Variants in PLXNA4 observed in about 807,000 individuals in gnomAD.
PLXNA4 encodes plexin-A4.
In PLXNA4, 44 loss-of-function variants were observed where a neutral mutation model predicts 191.8. That is an observed-to-expected ratio of 0.23 (90% CI 0.18 to 0.29). The LOEUF (loss-of-function observed/expected upper bound fraction) is 0.29, where lower values mean the gene tolerates loss of function less well. Among genes scored for constraint, PLXNA4 ranks in the 10% least tolerant of loss-of-function variants. The pLI is 1.00. For missense variants in PLXNA4, 1,800 were observed against 2,488.8 expected (o/e 0.72, Z 5.89); for synonymous variants, 1,082 against 1,009.5 (o/e 1.07, Z -1.36).
At chr7:132,473,802 G>A (rs73724013) in intron 3 of PLXNA4, among the ~76,000 whole-genome samples, 6,238 of 151,844 alleles carry the variant, frequency 0.041, 205 homozygotes, top group African/African-American at 0.083. Context: ...CCATGGGAAC[G>A]TAATGAGGGG....
chr7:132,203,185 A>G (rs1797498794), intron 11 of PLXNA4, 138 bp downstream of exon 11: 2 of 748,850 alleles, frequency 2.7e-6, no homozygotes, highest in South Asian at 3.5e-5. Context: ...AGAGGCTGTG[A>G]AGGAGGGGCT....
chr7:132,642,533 T>C (rs370023962), intron 2 of PLXNA4, among the ~76,000 whole-genome samples: 5 of 151,454 alleles, frequency 3.3e-5, no homozygotes, highest in East Asian at 3.9e-4. Flanking sequence ...CACAGGGGCC[T>C]GGAGAGAGAA....
rs528100296 is a variant in PLXNA4, at chr7:132,439,274, G to A, written c.1371+50018C>T. Among the ~76,000 whole-genome samples the A allele has an allele frequency of 1.8e-4, 28 of 152,212 alleles. No homozygotes were observed. In the South Asian group the frequency reaches 4.2e-3, roughly 23 times the overall value. On this transcript the variant is annotated intron_variant, in intron 3 of 31. Transcript: ENST00000321063. The stretch of plus-strand genomic sequence containing the variant: ...CTCTGCAACCATAGAGTCCCGCCCC[G>A]GCCAATGAAGCCATCCCTGGGGGTC...
At chr7:132,545,743 T>A (rs73446845) in intron 1 of PLXNA4, among the ~76,000 whole-genome samples, 10,268 of 151,962 alleles carry the variant, frequency 0.068, 696 homozygotes, top group African/African-American at 0.17. Flanking sequence ...AACTAAGGTG[T>A]TAAGAAGTGT....
At chr7:132,171,052 C>T (rs1407128881) in intron 21 of PLXNA4, among the ~76,000 whole-genome samples, 1 of 152,208 alleles carries the variant, frequency 6.6e-6, no homozygotes, top group East Asian at 1.9e-4. Flanking sequence ...CTTTACCTTG[C>T]CATCAGCCCG....
intron 5 of PLXNA4, among the ~76,000 whole-genome samples, chr7:132,235,744 G>A (rs1174976729): frequency 6.6e-6 from 1 of 152,188 alleles, no homozygotes; most frequent in African/African-American, 2.4e-5. Flanking sequence ...AGGCTTCTTT[G>A]CCTGGGCACG....
chr7:132,374,469 C>T (rs1206024000), intron 3 of PLXNA4, among the ~76,000 whole-genome samples: 1 of 152,138 alleles, frequency 6.6e-6, no homozygotes, highest in Non-Finnish European at 1.5e-5. Flanking sequence ...AGGCCTACAC[C>T]AGCAAAGGCT....
At chr7:132,376,096 G>T (rs1219683410) in intron 3 of PLXNA4, among the ~76,000 whole-genome samples, 2 of 152,144 alleles carry the variant, frequency 1.3e-5, no homozygotes, top group Non-Finnish European at 2.9e-5. Context: ...CTGCCCCATG[G>T]TGTTGTTGTG....
At chr7:132,252,548 G>C (rs1470109561) in intron 4 of PLXNA4, among the ~76,000 whole-genome samples, 3 of 152,082 alleles carry the variant, frequency 2.0e-5, no homozygotes, top group African/African-American at 7.2e-5. Context: ...TGATCCACCT[G>C]CCTCAGCCTC....
chr7:132,298,793 T>C (rs1369861597), intron 3 of PLXNA4, among the ~76,000 whole-genome samples: 1 of 152,222 alleles, frequency 6.6e-6, no homozygotes, highest in Non-Finnish European at 1.5e-5. Context: ...CCTGAAACCT[T>C]CTAGAGGTTT....
chr7:132,483,382 T>C (rs1797415129), intron 3 of PLXNA4, among the ~76,000 whole-genome samples: 1 of 152,238 alleles, frequency 6.6e-6, no homozygotes, highest in Non-Finnish European at 1.5e-5. Flanking sequence ...TCTTCTTGCC[T>C]CTGCCTCCTC....
At chr7:132,228,313 C>G (rs777260789) in intron 6 of PLXNA4, 33 bp downstream of exon 6, 1 of 1,613,188 alleles carries the variant, frequency 6.2e-7, no homozygotes, top group Non-Finnish European at 8.5e-7. Flanking sequence ...TCCTTGCATC[C>G]CTGGACCCCA....
intron 3 of PLXNA4, among the ~76,000 whole-genome samples, chr7:132,444,228 C>T (rs1343568171): frequency 2.6e-5 from 4 of 152,238 alleles, no homozygotes; most frequent in African/African-American, 7.2e-5. Context: ...TGCCCTTTGG[C>T]TCAGGTGTTG....
At chr7:132,328,818 A>G (rs1802477023) in intron 3 of PLXNA4, among the ~76,000 whole-genome samples, 1 of 152,092 alleles carries the variant, frequency 6.6e-6, no homozygotes, top group East Asian at 1.9e-4. Flanking sequence ...GGTGCTCTAC[A>G]AGCATGATTT....
chr7:132,549,652 C>T (rs1325561430), intron 1 of PLXNA4, among the ~76,000 whole-genome samples: 1 of 152,164 alleles, frequency 6.6e-6, no homozygotes, highest in Non-Finnish European at 1.5e-5. Flanking sequence ...AGTCATTACC[C>T]TCCTTAGTGT....
intron 3 of PLXNA4, among the ~76,000 whole-genome samples, chr7:132,489,020 T>G (rs1300034878): frequency 6.6e-6 from 1 of 152,132 alleles, no homozygotes; most frequent in Non-Finnish European, 1.5e-5. Context: ...CATACACCAT[T>G]TAGAACAACA....
At chr7:132,141,068 G>C (rs1422648427) in intron 29 of PLXNA4, among the ~76,000 whole-genome samples, 6 of 152,196 alleles carry the variant, frequency 3.9e-5, no homozygotes, top group Admixed American at 3.9e-4. Flanking sequence ...GTACTTGAGA[G>C]GACTTGATAC....
intron 3 of PLXNA4, among the ~76,000 whole-genome samples, chr7:132,398,359 C>T (rs796067429): frequency 2.0e-5 from 3 of 152,316 alleles, no homozygotes; most frequent in South Asian, 2.1e-4. Flanking sequence ...CTGAGTGTCC[C>T]GCTCTCCTGA....
At chr7:132,593,802 G>A (rs1374255933) in intron 2 of PLXNA4, among the ~76,000 whole-genome samples, 1 of 152,238 alleles carries the variant, frequency 6.6e-6, no homozygotes, top group African/African-American at 2.4e-5. Flanking sequence ...ATACAATAGG[G>A]GATTTCCCAA....
Sources: allele counts gnomAD v4.1 joint callset (sites outside exome capture counted in the v4.1 genomes callset), GRCh38; gene constraint gnomAD v4.1.1; transcripts MANE v1.5; gene names NCBI Gene and HGNC (gene_info 2026-07-23, HGNC 2026-07-21).